The following SLC9A8 variants were observed in gnomAD, a reference collection of about 807,000 sequenced individuals.
The protein encoded by SLC9A8 is sodium/hydrogen exchanger 8.
Under a neutral mutation model 66.6 loss-of-function variants are expected in SLC9A8, and 48 were observed. The observed-to-expected ratio is 0.72, with a 90% confidence interval of 0.57 to 0.92. SLC9A8 has a LOEUF of 0.92. Among genes scored for constraint, SLC9A8 ranks in the 40% least tolerant of loss-of-function variants. SLC9A8 has a pLI of 0.00. For synonymous variants in SLC9A8, 274 were observed against 282.6 expected, an observed-to-expected ratio of 0.97 and a Z score of 0.31; for missense variants, 599 against 747.3, an observed-to-expected ratio of 0.80 and a Z score of 2.31.
At chr20:49,834,420 GTATATATATACTGTATA>G (rs1392707806) in intron 3 of SLC9A8, among the ~76,000 whole-genome samples, 3,640 of 30,064 alleles carry the variant, frequency 0.12, 503 homozygotes, top group East Asian at 0.55. Context: ...TATATATACT[GTATATATATACTGTATA>G]TATATATATA....
In SLC9A8 at chr20:49,889,931, A is replaced by G. The variant is rs1197748146; in HGVS notation, c.*1995A>G. ...AATTCACAGATAAAGCAATGAAAAGAGTCAGATCCCATTTCCGTCTGCCCC... is the reference window on the plus strand; with the variant it reads ...AATTCACAGATAAAGCAATGAAAAGGGTCAGATCCCATTTCCGTCTGCCCC... On this transcript the variant is annotated 3_prime_UTR_variant, in exon 16 of 16. Coordinates refer to ENST00000361573, the MANE Select transcript of SLC9A8 (RefSeq NM_015266.3). 1 of 152,258 alleles carries G rather than the reference A, an allele frequency of 6.6e-6. No homozygotes were observed. The highest frequency in any genetic ancestry group is 1.9e-4 in the East Asian group (1 of 5,192). The allele number at this position is 152,258 out of a possible 1,614,324, so 9.4% of individuals were successfully genotyped here.
In SLC9A8 at chr20:49,862,975, T is replaced by C. The variant is rs771985012; in HGVS notation, c.760T>C (p.Trp254Arg). Residue 254 changes from tryptophan (W) to arginine (R), a missense_variant, in exon 9 of 16, where the codon TGG becomes CGG. Coordinates refer to ENST00000361573, the MANE Select transcript of SLC9A8 (RefSeq NM_015266.3). Reference protein sequence around the residue: ...TRKNMSDVSGWQTFLQALDYF... With the variant: ...TRKNMSDVSGRQTFLQALDYF... Reference sequence around the variant, plus strand: ...AAAAAATATGTCAGATGTCAGTGGGTGGCAAACATTTTTACAAGCCCTTGA... The same window carrying C: ...AAAAAATATGTCAGATGTCAGTGGGCGGCAAACATTTTTACAAGCCCTTGA... 3 of 1,613,788 alleles carry C rather than the reference T, an allele frequency of 1.9e-6. No individual in the cohort carries two copies. The Admixed American group carries it at 5.0e-5, about 27-fold the overall frequency.
intron 4 of SLC9A8, among the ~76,000 whole-genome samples, chr20:49,840,775 G>T (rs1265915888): frequency 6.6e-6 from 1 of 152,086 alleles, no homozygotes; most frequent in Non-Finnish European, 1.5e-5. Flanking sequence ...ATAGCCTGAT[G>T]TGTAGATTTT....
At chr20:49,851,395 C>G (rs1200262399) in intron 7 of SLC9A8, among the ~76,000 whole-genome samples, 1 of 152,214 alleles carries the variant, frequency 6.6e-6, no homozygotes, top group Non-Finnish European at 1.5e-5. Context: ...GAGAAGCAAC[C>G]TCACTAGGTT....
At chr20:49,830,461 G>T (rs1484663938) in intron 3 of SLC9A8, 3 of 816,906 alleles carry the variant, frequency 3.7e-6, no homozygotes, top group East Asian at 2.5e-5. Context: ...GGCCCCAGTG[G>T]TATGCTGCAA....
At chr20:49,866,070 A>G (rs563794613) in intron 10 of SLC9A8, among the ~76,000 whole-genome samples, 2 of 152,328 alleles carry the variant, frequency 1.3e-5, no homozygotes, top group South Asian at 2.1e-4. Flanking sequence ...GAGGTGTGGC[A>G]TATTCTTATC....
At position 49,889,540 on chromosome 20, in the gene SLC9A8, T is replaced by C. The variant is rs2089995768; in HGVS notation, c.*1604T>C. On this transcript the variant is annotated 3_prime_UTR_variant, in exon 16 of 16. Transcript: ENST00000361573. The stretch of plus-strand genomic sequence containing the variant: ...AGAGGCCAGGCCCGATCCTACCACC[T>C]CGCCTTGACCCTGAAGTCAGAGCAG... 6.6e-6 allele frequency: 1 copy of C among 152,260 alleles called. No individual in the cohort carries two copies. 9.4% of individuals were successfully genotyped at this position (152,260 alleles called of 1,614,324 possible).
Position 49,831,028 on chromosome 20 carries a change from C to T in SLC9A8, c.289+7887C>T, listed in dbSNP as rs2087160282. 1.1e-5 allele frequency: 8 copies of T among 735,160 alleles called. No homozygotes were observed. In the Admixed American group the frequency reaches 1.2e-4, roughly 11 times the overall value. The allele number at this position is 735,160 out of a possible 1,614,324, so 45.5% of individuals were successfully genotyped here. ...CAGCCAACCAGGTGTACAAAAGAGC[C>T]AAGGCACTGGACCAGTCCAACAATA... On this transcript the variant is annotated intron_variant, in intron 3 of 15. Transcript: ENST00000361573.
In SLC9A8 at chr20:49,887,846, C is replaced by T. The variant is rs1435323511; in HGVS notation, c.1656C>T (p.Arg552=). The T allele has an allele frequency of 2.5e-6, 4 of 1,611,036 alleles. No homozygotes were observed. Among genetic ancestry groups the T allele is most frequent in the Non-Finnish European group, 3.4e-6 (4 of 1,178,222 alleles). The change falls in exon 16 of 16, where the codon CGC becomes CGT. Residue 552 remains arginine (R), a synonymous_variant. Transcript: ENST00000361573. ...RLTQEDLHHG[R]IQMKTLTNKW... ...CGACCCAGGACCTGCACCACGGGCG[C>T]ATCCAGATGAAAACTCTCACCAACA...
chr20:49,839,631 A>C (rs1469100533), intron 4 of SLC9A8, 32 bp downstream of exon 4: 1 of 1,425,698 alleles, frequency 7.0e-7, no homozygotes, highest in Non-Finnish European at 9.8e-7. Flanking sequence ...TCTTAATTTT[A>C]GTAACATTGA....
In SLC9A8 at chr20:49,846,252, T is replaced by G. The variant is rs117073471; in HGVS notation, c.432+1133T>G. On this transcript the variant is annotated intron_variant, in intron 5 of 15. Transcript: ENST00000361573. ...TTCTTTAAACATAAATGTATTTAAG[T>G]TTTAAAATAAAGTGATTCAACTTAA... 3.3e-3 allele frequency among the ~76,000 whole-genome samples: 510 copies of G among 152,260 alleles called. 1 individual carries two copies. Among genetic ancestry groups the G allele is most frequent in the Non-Finnish European group, 5.4e-3 (368 of 68,022 alleles).
chr20:49,880,259 G>C (rs897327799), intron 12 of SLC9A8, among the ~76,000 whole-genome samples: 12 of 48,250 alleles, frequency 2.5e-4, no homozygotes, highest in African/African-American at 1.5e-3. Context: ...GTGAGACTTT[G>C]TCTCAAAAAA....
intron 10 of SLC9A8, among the ~76,000 whole-genome samples, chr20:49,873,378 AG>A (rs1443523108): frequency 6.7e-6 from 1 of 149,574 alleles, no homozygotes; most frequent in African/African-American, 2.5e-5. Flanking sequence ...GCTACTTGGG[AG>A]GCTGAGGTGG....
chr20:49,823,184 A>G (rs751381271), intron 3 of SLC9A8, 43 bp downstream of exon 3: 1 of 1,480,166 alleles, frequency 6.8e-7, no homozygotes, highest in East Asian at 2.3e-5. Context: ...CAGTAACAAT[A>G]ACTACCATTT....
chr20:49,837,235 T>G (rs1452999632), intron 3 of SLC9A8, among the ~76,000 whole-genome samples: 1 of 152,200 alleles, frequency 6.6e-6, no homozygotes, highest in East Asian at 1.9e-4. Flanking sequence ...TCTTACATTG[T>G]TGATAGATGT....
intron 10 of SLC9A8, among the ~76,000 whole-genome samples, chr20:49,868,403 G>C (rs570066976): frequency 6.6e-6 from 1 of 152,322 alleles, no homozygotes; most frequent in East Asian, 1.9e-4. Context: ...AGAGGGGCAG[G>C]ATGGCCCTGT....
At position 49,834,214 on chromosome 20, in the gene SLC9A8, T is replaced by TACACAC. The variant is rs1355760521; in HGVS notation, c.290-5320_290-5315dup. The stretch of plus-strand genomic sequence containing the variant: ...ATATATATATATATATATATATATA[T>TACACAC]ACACACACACACTATGTATATACAC... On this transcript the variant is annotated intron_variant, in intron 3 of 15. Coordinates refer to ENST00000361573, the MANE Select transcript of SLC9A8 (RefSeq NM_015266.3). Among the ~76,000 whole-genome samples, 330 of 112,034 alleles carry TACACAC rather than the reference T, an allele frequency of 2.9e-3. 2 individuals carry two copies. Among genetic ancestry groups the TACACAC allele is most frequent in the African/African-American group, 0.011 (274 of 25,976 alleles). The allele number at this position is 112,034 out of a possible 152,430, so 73.5% of individuals were successfully genotyped here. A position where few individuals can be genotyped will look rare whatever the true frequency, so the allele number is the denominator to read the frequency against.
At chr20:49,868,624 G>C (rs6095699) in intron 10 of SLC9A8, among the ~76,000 whole-genome samples, 1 of 152,216 alleles carries the variant, frequency 6.6e-6, no homozygotes, top group African/African-American at 2.4e-5. Flanking sequence ...CAGTTGCTAA[G>C]GACTGGGGCT....
rs1271907781 is a variant in SLC9A8, at chr20:49,887,825, C to T, written c.1639-4C>T. The T allele has an allele frequency of 1.3e-6, 2 of 1,597,924 alleles. No individual in the cohort carries two copies. The highest frequency in any genetic ancestry group is 1.7e-6 in the Non-Finnish European group (2 of 1,170,714). ...TGACGGCTTGGTTGTGTCTCTCGACCCAGGACCTGCACCACGGGCGCATCC... is the reference window on the plus strand; with the variant it reads ...TGACGGCTTGGTTGTGTCTCTCGACTCAGGACCTGCACCACGGGCGCATCC... On this transcript the variant is annotated splice_region_variant and splice_polypyrimidine_tract_variant and intron_variant, in intron 15 of 15. Coordinates refer to ENST00000361573, the MANE Select transcript of SLC9A8 (RefSeq NM_015266.3).
Sources: allele counts gnomAD v4.1 joint callset (sites outside exome capture counted in the v4.1 genomes callset), GRCh38; gene constraint gnomAD v4.1.1; transcripts MANE v1.5; gene names NCBI Gene and HGNC (gene_info 2026-07-23, HGNC 2026-07-21).